The following FBXL17 variants were observed in gnomAD, a reference collection of about 807,000 sequenced individuals.
The protein encoded by FBXL17 is F-box and leucine rich repeat protein 17, also known as F-box/LRR-repeat protein 17.
Under a neutral mutation model 66.2 loss-of-function variants are expected in FBXL17, and 22 were observed. The observed-to-expected ratio is 0.33, with a 90% CI of 0.24 to 0.47. The LOEUF is 0.47. Among genes scored for constraint, FBXL17 ranks in the 20% least tolerant of loss-of-function variants. The pLI, the probability that FBXL17 is intolerant of heterozygous loss-of-function variation, is 1.00. For synonymous variants in FBXL17, 474 were observed against 400.5 expected, an observed-to-expected ratio of 1.18 and a Z score of -2.19; for missense variants, 878 against 948.2, an observed-to-expected ratio of 0.93 and a Z score of 0.97.
intron 7 of FBXL17, among the ~76,000 whole-genome samples, chr5:107,977,556 T>C (rs1752629218): frequency 1.3e-5 from 2 of 152,316 alleles, no homozygotes; most frequent in South Asian, 4.1e-4. Flanking sequence ...CTGTTTATTA[T>C]TGTTGCTGTG....
chr5:108,068,913 T>C (rs1055688163), intron 6 of FBXL17, among the ~76,000 whole-genome samples: 5 of 152,214 alleles, frequency 3.3e-5, no homozygotes, highest in African/African-American at 1.2e-4. Context: ...ATCAAACTTG[T>C]ACAGCAGTGC....
intron 6 of FBXL17, among the ~76,000 whole-genome samples, chr5:108,113,237 G>A (rs1750108546): frequency 6.6e-6 from 1 of 152,102 alleles, no homozygotes. Context: ...ATGGGCATGT[G>A]GCTAACCTGA....
In FBXL17 at chr5:107,974,225, A is replaced by G. The variant is rs558663558; in HGVS notation, c.1822+46700T>C. Among the ~76,000 whole-genome samples, 18 of 152,322 alleles carry G rather than the reference A, an allele frequency of 1.2e-4. No homozygotes were observed. The East Asian group carries it at 3.5e-3, about 29-fold the overall frequency. On this transcript the variant is annotated intron_variant, in intron 7 of 8. Transcript: ENST00000542267. ...TAAGTCAATATAAGAAGTTAAAGATAGAGACCTCATCAATCTAGGTGACTG... is the reference window on the plus strand; with the variant it reads ...TAAGTCAATATAAGAAGTTAAAGATGGAGACCTCATCAATCTAGGTGACTG...
intron 6 of FBXL17, among the ~76,000 whole-genome samples, chr5:108,145,824 T>C (rs925609380): frequency 3.7e-5 from 4 of 107,336 alleles, no homozygotes; most frequent in African/African-American, 8.5e-5. Context: ...GCCTAAACAA[T>C]AATAATAATA....
At chr5:107,952,641 A>C (rs1035516077) in intron 7 of FBXL17, among the ~76,000 whole-genome samples, 1 of 152,234 alleles carries the variant, frequency 6.6e-6, no homozygotes, top group African/African-American at 2.4e-5. Context: ...TTCAGTGGTT[A>C]CATTTCAAAT....
intron 4 of FBXL17, among the ~76,000 whole-genome samples, chr5:108,311,917 G>C (rs770058329): frequency 1.3e-5 from 2 of 152,096 alleles, no homozygotes; most frequent in Non-Finnish European, 2.9e-5. Context: ...GTTCTAGTTA[G>C]TCCCTTTAGC....
intron 6 of FBXL17, among the ~76,000 whole-genome samples, chr5:108,112,971 A>T (rs1352211064): frequency 6.6e-6 from 1 of 152,080 alleles, no homozygotes; most frequent in Admixed American, 6.6e-5. Flanking sequence ...TCATATTCTT[A>T]ATTAATCTTT....
chr5:108,273,897 G>T (rs934016699), intron 4 of FBXL17, among the ~76,000 whole-genome samples: 6 of 151,896 alleles, frequency 4.0e-5, no homozygotes, highest in African/African-American at 1.5e-4. Flanking sequence ...AACAGATACA[G>T]TGATCATTAA....
In FBXL17 at chr5:108,236,386, G is replaced by A. The variant is rs34821395; in HGVS notation, c.1507-12158C>T. On this transcript the variant is annotated intron_variant, in intron 4 of 8. Coordinates refer to ENST00000542267, the MANE Select transcript of FBXL17 (RefSeq NM_001163315.3). ...AAATTAGCCGGGCGTGGTGGCAGGC[G>A]CCTGTAATCCCAGCTACTCAGGAGG... Among the ~76,000 whole-genome samples the A allele has an allele frequency of 7.5e-3, 1,145 of 151,736 alleles. 4 individuals are homozygous for A. The highest frequency in any genetic ancestry group is 0.011 in the Non-Finnish European group (740 of 67,900).
At chr5:108,273,959 T>C (rs1757380132) in intron 4 of FBXL17, among the ~76,000 whole-genome samples, 1 of 152,068 alleles carries the variant, frequency 6.6e-6, no homozygotes, top group African/African-American at 2.4e-5. Flanking sequence ...TACAAGAACC[T>C]TGATGAAAAT....
At chr5:108,181,869 C>T (rs772645974) in intron 6 of FBXL17, among the ~76,000 whole-genome samples, 1 of 152,074 alleles carries the variant, frequency 6.6e-6, no homozygotes, top group African/African-American at 2.4e-5. Context: ...ATTAGCCATT[C>T]ACTTTTTCTT....
chr5:107,975,803 T>C (rs1752554405), intron 7 of FBXL17, among the ~76,000 whole-genome samples: 1 of 151,798 alleles, frequency 6.6e-6, no homozygotes. Context: ...ACATGTAAAT[T>C]TGACACTTTG....
chr5:107,942,685 C>T (rs1289263635), intron 7 of FBXL17, among the ~76,000 whole-genome samples: 1 of 151,994 alleles, frequency 6.6e-6, no homozygotes, highest in Non-Finnish European at 1.5e-5. Context: ...GGGATTTTGT[C>T]CCATTGACAA....
chr5:107,999,873 T>A (rs1753646534), intron 7 of FBXL17, among the ~76,000 whole-genome samples: 1 of 152,158 alleles, frequency 6.6e-6, no homozygotes. Flanking sequence ...TGGAGATGCA[T>A]TCATATACCA....
chr5:108,223,585 A>G (rs1220622363), intron 5 of FBXL17, among the ~76,000 whole-genome samples: 1 of 152,208 alleles, frequency 6.6e-6, no homozygotes, highest in Non-Finnish European at 1.5e-5. Context: ...CGCAGTAGAG[A>G]TGACACATCA....
At chr5:108,328,735 C>A (rs776468292) in intron 4 of FBXL17, among the ~76,000 whole-genome samples, 3 of 151,812 alleles carry the variant, frequency 2.0e-5, no homozygotes, top group Non-Finnish European at 4.4e-5. Context: ...TTATTTGGGC[C>A]TCTTTCTTAT....
chr5:108,120,404 G>A (rs116250632), intron 6 of FBXL17, among the ~76,000 whole-genome samples: 2,372 of 152,170 alleles, frequency 0.016, 66 homozygotes, highest in African/African-American at 0.054. Flanking sequence ...CATTTTAACT[G>A]CATGACACAG....
chr5:108,112,251 C>T lies in FBXL17; in HGVS notation c.1745+73866G>A, dbSNP rs78721921. Among the ~76,000 whole-genome samples the T allele has an allele frequency of 7.9e-3, 1,205 of 152,192 alleles. 17 individuals carry two copies. Among genetic ancestry groups the T allele is most frequent in the African/African-American group, 0.026 (1,089 of 41,512 alleles). ...CACATAAAAAAGAAAACTACTGAGG[C>T]CAGAGAAAGAACCATCATTAAGGAA... On this transcript the variant is annotated intron_variant, in intron 6 of 8. Coordinates refer to ENST00000542267, the MANE Select transcript of FBXL17 (RefSeq NM_001163315.3).
chr5:108,221,137 A>G (rs1329178392), intron 5 of FBXL17, among the ~76,000 whole-genome samples: 1 of 152,226 alleles, frequency 6.6e-6, no homozygotes, highest in Non-Finnish European at 1.5e-5. Context: ...GCAGAATCTA[A>G]GTAATAATGG....
Sources: gnomAD v4.1 joint callset for allele counts (sites outside exome capture counted in the v4.1 genomes callset) on GRCh38, gnomAD v4.1.1 for gene constraint, MANE v1.5 for transcripts, NCBI Gene and HGNC (gene_info 2026-07-23, HGNC 2026-07-21) for gene names.